Variants in DLG2 observed in about 807,000 individuals in gnomAD.
The protein encoded by DLG2 is discs large MAGUK scaffold protein 2, also known as disks large homolog 2.
In DLG2, 45 loss-of-function variants were observed where a neutral mutation model predicts 132.5. The observed-to-expected ratio is 0.34, with a 90% CI of 0.27 to 0.44. The LOEUF is 0.44. Among genes scored for constraint, DLG2 ranks in the 20% least tolerant of loss-of-function variants. The pLI, the probability that DLG2 is intolerant of heterozygous loss-of-function variation, is 1.00. For missense variants in DLG2, 1,045 were observed against 1,196.9 expected (o/e 0.87, Z 1.87); for synonymous variants, 424 against 419.6 (o/e 1.01, Z -0.13).
intron 3 of DLG2, among the ~76,000 whole-genome samples, chr11:85,403,376 A>C (rs2088381538): frequency 6.6e-6 from 1 of 152,068 alleles, no homozygotes; most frequent in Admixed American, 6.6e-5. Context: ...GCATTAGGAG[A>C]AATACCTAAT....
chr11:84,718,566 C>CT (rs750398365), intron 6 of DLG2, among the ~76,000 whole-genome samples: 5 of 152,170 alleles, frequency 3.3e-5, no homozygotes, highest in Non-Finnish European at 7.4e-5. Flanking sequence ...TTCTCTACAC[C>CT]AATGGCTTAT....
intron 6 of DLG2, among the ~76,000 whole-genome samples, chr11:85,051,138 G>A (rs1415444107): frequency 1.3e-5 from 2 of 152,110 alleles, no homozygotes; most frequent in African/African-American, 4.8e-5. Context: ...AATGAAGAGG[G>A]TTGTTTCTAG....
chr11:84,375,387 T>C (rs1299060721), intron 7 of DLG2, among the ~76,000 whole-genome samples: 1 of 152,158 alleles, frequency 6.6e-6, no homozygotes, highest in African/African-American at 2.4e-5. Context: ...AAACAATATA[T>C]ATAAAACTTA....
rs559136170 is a variant in DLG2, at chr11:84,632,997, A to T, written c.358-98266T>A. Among the ~76,000 whole-genome samples the T allele has an allele frequency of 4.6e-5, 7 of 152,236 alleles. No homozygotes were observed. The East Asian group carries it at 1.4e-3, about 29-fold the overall frequency. On this transcript the variant is annotated intron_variant, in intron 6 of 27. Coordinates refer to ENST00000376104, the MANE Select transcript of DLG2 (RefSeq NM_001142699.3). ...TCCATAGCTTTTCTTTCTTGAGTAA[A>T]CTCCTCAGCATCAAATAGGACTCTG...
chr11:84,346,079 A>T (rs1283145919), intron 7 of DLG2, among the ~76,000 whole-genome samples: 3 of 152,246 alleles, frequency 2.0e-5, no homozygotes, highest in Admixed American at 2.0e-4. Flanking sequence ...AATAAAAACT[A>T]CTATGTGTTT....
At chr11:83,848,522 A>C (rs933015072) in intron 16 of DLG2, among the ~76,000 whole-genome samples, 1 of 152,096 alleles carries the variant, frequency 6.6e-6, no homozygotes, top group Non-Finnish European at 1.5e-5. Flanking sequence ...CCAATTTTCA[A>C]ATCAGAAACT....
At chr11:84,998,375 G>A (rs1364422235) in intron 6 of DLG2, among the ~76,000 whole-genome samples, 1 of 152,078 alleles carries the variant, frequency 6.6e-6, no homozygotes. Flanking sequence ...TCTCTCTCCT[G>A]CTGCTCTGTG....
chr11:85,605,441 C>A (rs2153243691), intron 2 of DLG2, among the ~76,000 whole-genome samples: 1 of 152,278 alleles, frequency 6.6e-6, no homozygotes, highest in Middle Eastern at 3.4e-3. Flanking sequence ...CAAATTTAGT[C>A]TTTTAATTTG....
chr11:84,353,198 C>T (rs892020870), intron 7 of DLG2, among the ~76,000 whole-genome samples: 2 of 152,160 alleles, frequency 1.3e-5, no homozygotes, highest in African/African-American at 4.8e-5. Flanking sequence ...TTACCGCTTG[C>T]CTTAAGGCTA....
chr11:85,402,490 T>A (rs1467090723), intron 3 of DLG2, among the ~76,000 whole-genome samples: 1 of 151,834 alleles, frequency 6.6e-6, no homozygotes. Context: ...ACTAGACAAA[T>A]GGGATCTAAT....
At chr11:85,290,184 C>T (rs182087639) in intron 3 of DLG2, among the ~76,000 whole-genome samples, 5 of 152,240 alleles carry the variant, frequency 3.3e-5, no homozygotes, top group Admixed American at 1.3e-4. Context: ...CTAAACCCTG[C>T]ATATTGTTTA....
chr11:83,743,771 T>C (rs1055399516), intron 18 of DLG2, among the ~76,000 whole-genome samples: 1 of 152,128 alleles, frequency 6.6e-6, no homozygotes, highest in Admixed American at 6.5e-5. Context: ...GCTTCAGTTT[T>C]CTCATCTATA....
In DLG2 at chr11:84,453,147, GAAGACATCAAGT is replaced by G. The variant is rs1602395144; in HGVS notation, c.519+81411_519+81422del. 2.0e-5 allele frequency among the ~76,000 whole-genome samples: 3 copies of G among 151,696 alleles called. No individual in the cohort carries two copies. In the East Asian group the frequency reaches 5.8e-4, roughly 30 times the overall value. ...GGAGATATCTTTTAGACATCTGACT[GAAGACATCAAGT>G]AAGCCACTGGATATATAAGTCCAGA... On this transcript the variant is annotated intron_variant, in intron 7 of 27. Coordinates refer to ENST00000376104, the MANE Select transcript of DLG2 (RefSeq NM_001142699.3).
chr11:85,044,804 T>C (rs781687934), intron 6 of DLG2, among the ~76,000 whole-genome samples: 2 of 152,046 alleles, frequency 1.3e-5, no homozygotes, highest in Admixed American at 6.6e-5. Context: ...TCAGAATCTC[T>C]TCAAAAATAA....
At chr11:85,313,477 A>C (rs1270350221) in intron 3 of DLG2, among the ~76,000 whole-genome samples, 4 of 152,058 alleles carry the variant, frequency 2.6e-5, no homozygotes, top group Non-Finnish European at 4.4e-5. Flanking sequence ...TTCCCAGCAA[A>C]TGAAAACATC....
intron 7 of DLG2, among the ~76,000 whole-genome samples, chr11:84,459,339 A>G (rs2154484845): frequency 6.6e-6 from 1 of 150,846 alleles, no homozygotes; most frequent in African/African-American, 2.4e-5. Context: ...TAATAGGACA[A>G]ATAGCCCACT....
In DLG2 at chr11:83,657,534, C is replaced by CTTTTTTTT. The variant is rs540422330; in HGVS notation, c.1826-24217_1826-24210dup. 2.5e-3 allele frequency among the ~76,000 whole-genome samples: 232 copies of CTTTTTTTT among 93,358 alleles called. 2 individuals carry two copies. The highest frequency in any genetic ancestry group is 4.2e-3 in the African/African-American group (89 of 21,420). The allele number at this position is 93,358 out of a possible 152,430, so 61.2% of individuals were successfully genotyped here. On this transcript the variant is annotated intron_variant, in intron 18 of 27. Coordinates refer to ENST00000376104, the MANE Select transcript of DLG2 (RefSeq NM_001142699.3). ...TCCGTGCTTTTATATATTGTCTATT[C>CTTTTTTTT]TTTTTTTTTTTTTTTTTTTTTTGAG...
chr11:84,586,931 G>C (rs1178424865), intron 6 of DLG2, among the ~76,000 whole-genome samples: 4 of 152,064 alleles, frequency 2.6e-5, no homozygotes, highest in Middle Eastern at 3.2e-3. Context: ...TCTTATATTG[G>C]GTTTCCCACC....
intron 5 of DLG2, among the ~76,000 whole-genome samples, chr11:85,148,389 G>GT (rs1175270731): frequency 4.6e-5 from 7 of 151,980 alleles, no homozygotes; most frequent in African/African-American, 1.7e-4. Flanking sequence ...AAGCATTCCT[G>GT]TTTCTCCACA....
Sources: gnomAD v4.1 joint callset for allele counts (sites outside exome capture counted in the v4.1 genomes callset) on GRCh38, gnomAD v4.1.1 for gene constraint, MANE v1.5 for transcripts, NCBI Gene and HGNC (gene_info 2026-07-23, HGNC 2026-07-21) for gene names.